The following ZNF365 variants were observed in gnomAD, a reference collection of about 807,000 sequenced individuals.
The protein encoded by ZNF365 is protein ZNF365.
In ZNF365, 22 loss-of-function variants were observed where a neutral mutation model predicts 35.0. The ratio of observed to expected loss-of-function variants is 0.63; its 90% confidence interval spans 0.45 to 0.90. The LOEUF (loss-of-function observed/expected upper bound fraction) is 0.90, where lower values mean the gene tolerates loss of function less well. Among genes scored for constraint, ZNF365 ranks in the 40% least tolerant of loss-of-function variants. The pLI is 0.00. For synonymous variants in ZNF365, 188 were observed against 196.2 expected, an observed-to-expected ratio of 0.96 and a Z score of 0.35; for missense variants, 448 against 500.3, an observed-to-expected ratio of 0.90 and a Z score of 1.00.
In ZNF365 at chr10:62,459,763, C is replaced by A. The variant is rs199638728; in HGVS notation, c.947C>A (p.Ala316Asp). The change falls in exon 4 of 5, where the codon GCT (alanine) becomes GAT (aspartate). Residue 316 changes from alanine (A) to aspartate (D), a missense_variant. Physicochemically the swap from Ala to Asp is moderately radical, Grantham distance 126. Coordinates refer to the ZNF365 transcript ENST00000395255. ...CAGAGCTGGAAAGGTGCTGGCGAAG[C>A]TCGCCTGGTGTGCCAAAATGACCTG... 3.1e-6 allele frequency: 5 copies of A among 1,611,056 alleles called. No individual in the cohort carries two copies. In the Admixed American group the frequency reaches 8.4e-5, roughly 27 times the overall value.
chr10:62,462,566 T>G (rs1172686388), intron 4 of ZNF365, among the ~76,000 whole-genome samples: 12 of 152,182 alleles, frequency 7.9e-5, no homozygotes, highest in Non-Finnish European at 1.6e-4. Flanking sequence ...CTGCGACAAT[T>G]GCTACTTCAG....
intron 4 of ZNF365, among the ~76,000 whole-genome samples, chr10:62,465,247 C>A (rs79539661): frequency 1.3e-5 from 2 of 152,166 alleles, no homozygotes; most frequent in Non-Finnish European, 2.9e-5. Flanking sequence ...ACACACCAGT[C>A]GCCTCTCCAA....
chr10:62,375,080 A>C (rs908510480), intron 1 of ZNF365, among the ~76,000 whole-genome samples: 6 of 152,164 alleles, frequency 3.9e-5, no homozygotes, highest in Admixed American at 6.5e-5. Flanking sequence ...TTTCACCCAA[A>C]GACCCCAGCT....
chr10:62,468,806 A>G (rs969032145), intron 4 of ZNF365, among the ~76,000 whole-genome samples: 1 of 152,234 alleles, frequency 6.6e-6, no homozygotes, highest in Non-Finnish European at 1.5e-5. Context: ...ATCTCAGTTC[A>G]GCTTACACAA....
At chr10:62,445,777 G>A (rs1589457823) in intron 3 of ZNF365, among the ~76,000 whole-genome samples, 2 of 152,162 alleles carry the variant, frequency 1.3e-5, no homozygotes, top group South Asian at 4.1e-4. Flanking sequence ...GAGAACCACT[G>A]ATTCAAAGTG....
chr10:62,388,474 T>C lies in ZNF365; in HGVS notation c.822T>C (p.Phe274=), dbSNP rs1295856688. ...AAGGGAAAGCCCGGCTCCAGGACTT[T>C]ATTGAGAATCTGTTACAGCGGGTAG... ...EVQGKARLQD[F]IENLLQRVEL... Residue 274 remains phenylalanine (F), a synonymous_variant, in exon 3 of 5, where the codon TTT becomes TTC. Coordinates refer to ENST00000395254, the MANE Select transcript of ZNF365 (RefSeq NM_014951.3). The C allele has an allele frequency of 1.2e-6, 2 of 1,614,092 alleles. No homozygotes were observed. Among genetic ancestry groups the C allele is most frequent in the Non-Finnish European group, 1.7e-6 (2 of 1,180,052 alleles).
At chr10:62,422,786 G>A (rs141037934) in intron 3 of ZNF365, among the ~76,000 whole-genome samples, 205 of 152,122 alleles carry the variant, frequency 1.3e-3, no homozygotes, top group Middle Eastern at 6.8e-3. Context: ...TTACAATTGG[G>A]TGTTCGTAGA....
At chr10:62,476,503 G>A (rs982635258) in intron 4 of ZNF365, among the ~76,000 whole-genome samples, 4 of 152,254 alleles carry the variant, frequency 2.6e-5, no homozygotes, top group African/African-American at 9.6e-5. Context: ...TACTGTACAT[G>A]TATTGCTCAC....
At chr10:62,466,602 C>T (rs934392324) in intron 4 of ZNF365, among the ~76,000 whole-genome samples, 1 of 152,156 alleles carries the variant, frequency 6.6e-6, no homozygotes, top group Non-Finnish European at 1.5e-5. Flanking sequence ...ACACCCTAAG[C>T]ATTCTGTGAC....
intron 3 of ZNF365, among the ~76,000 whole-genome samples, chr10:62,430,885 G>A (rs915290782): frequency 6.6e-6 from 1 of 152,134 alleles, no homozygotes; most frequent in African/African-American, 2.4e-5. Flanking sequence ...GTGTCTTTAG[G>A]TGTATTCCTG....
intron 4 of ZNF365, among the ~76,000 whole-genome samples, chr10:62,464,748 C>T (rs909453505): frequency 1.3e-5 from 2 of 152,238 alleles, no homozygotes; most frequent in Admixed American, 1.3e-4. Flanking sequence ...GGAGGATTAT[C>T]ACTTTATGGA....
intron 4 of ZNF365, among the ~76,000 whole-genome samples, chr10:62,462,945 G>A (rs746791166): frequency 6.6e-6 from 1 of 152,142 alleles, no homozygotes; most frequent in Non-Finnish European, 1.5e-5. Context: ...ATTTCTGAAA[G>A]GTGAGCTCAT....
intron 4 of ZNF365, among the ~76,000 whole-genome samples, chr10:62,472,307 G>T (rs1029983180): frequency 6.6e-6 from 1 of 152,178 alleles, no homozygotes; most frequent in Admixed American, 6.5e-5. Flanking sequence ...TCCAGAAAGC[G>T]TTCCAATATC....
chr10:62,479,760 C>T (rs1458348073), intron 4 of ZNF365: 1 of 726,540 alleles, frequency 1.4e-6, no homozygotes, highest in Non-Finnish European at 2.5e-6. Context: ...GAAGAGTTGC[C>T]AGTACAATTG....
intron 3 of ZNF365, among the ~76,000 whole-genome samples, chr10:62,448,583 T>A (rs1364719291): frequency 1.3e-5 from 2 of 152,194 alleles, no homozygotes; most frequent in East Asian, 1.9e-4. Context: ...TCCTAACACA[T>A]AAACGGTCCC....
chr10:62,455,215 A>G (rs553077064), intron 3 of ZNF365, among the ~76,000 whole-genome samples: 207 of 152,298 alleles, frequency 1.4e-3, no homozygotes, highest in Middle Eastern at 3.4e-3. Context: ...TGGAGACAGC[A>G]CAGGGAGGCT....
intron 3 of ZNF365, among the ~76,000 whole-genome samples, chr10:62,452,058 G>A (rs182331657): frequency 6.6e-6 from 1 of 152,356 alleles, no homozygotes; most frequent in East Asian, 1.9e-4. Flanking sequence ...TTTCGGGGAA[G>A]TTGTGATTCC....
chr10:62,462,658 C>T (rs1200081364), intron 4 of ZNF365, among the ~76,000 whole-genome samples: 2 of 152,198 alleles, frequency 1.3e-5, no homozygotes, highest in Non-Finnish European at 2.9e-5. Context: ...CTGTAAGACC[C>T]AGACTTTTGC....
chr10:62,459,826 G>A (rs1186438157), intron 4 of ZNF365: 2 of 1,590,100 alleles, frequency 1.3e-6, no homozygotes, highest in East Asian at 2.3e-5. Context: ...TGGGTGGGTT[G>A]GGCCTGGTTA....
Sources: gnomAD v4.1 joint callset for allele counts (sites outside exome capture counted in the v4.1 genomes callset) on GRCh38, gnomAD v4.1.1 for gene constraint, MANE v1.5 for transcripts, NCBI Gene and HGNC (gene_info 2026-07-23, HGNC 2026-07-21) for gene names.